Variants in ATP6V1D observed in about 807,000 individuals in gnomAD.
The protein encoded by ATP6V1D is ATPase H+ transporting V1 subunit D.
Under a neutral mutation model 39.4 loss-of-function variants are expected in ATP6V1D, and 20 were observed. The observed-to-expected ratio is 0.51, with a 90% CI of 0.36 to 0.74. ATP6V1D has a LOEUF of 0.74. Ranked by LOEUF, ATP6V1D falls within the 30% of genes least tolerant of loss-of-function variation. The pLI, the probability that ATP6V1D is intolerant of heterozygous loss-of-function variation, is 0.00. For synonymous variants in ATP6V1D, 100 were observed against 100.5 expected (o/e 0.99, Z 0.03); for missense variants, 228 against 291.6 (o/e 0.78, Z 1.59).
chr14:67,338,901 T>C, intron 8 of ATP6V1D, 139 bp from the exon 9 acceptor site: 1 of 660,226 alleles, frequency 1.5e-6, no homozygotes, highest in East Asian at 3.1e-5. Context: ...TCATTTTCAG[T>C]AATTTATTTA....
chr14:67,349,346 A>G (rs918369179), intron 3 of ATP6V1D, among the ~76,000 whole-genome samples: 9 of 152,254 alleles, frequency 5.9e-5, no homozygotes, highest in Non-Finnish European at 4.4e-5. Flanking sequence ...GAATGATTTT[A>G]AAGTTCGTGG....
chr14:67,339,935 A>G (rs1595632516), intron 8 of ATP6V1D: 2 of 152,386 alleles, frequency 1.3e-5, no homozygotes, highest in African/African-American at 4.9e-5. Flanking sequence ...CACCATCTCT[A>G]CTAAAAGTAC....
At chr14:67,341,251 A>G (rs1441528507) in intron 7 of ATP6V1D, among the ~76,000 whole-genome samples, 3 of 141,190 alleles carry the variant, frequency 2.1e-5, no homozygotes, top group Admixed American at 7.0e-5. Flanking sequence ...CCGGCCGCCC[A>G]TCGTCTGAGA....
At chr14:67,353,659 T>A (rs1460404012) in intron 1 of ATP6V1D, 1 of 152,168 alleles carries the variant, frequency 6.6e-6, no homozygotes, top group Non-Finnish European at 1.5e-5. Flanking sequence ...AGCTATATTT[T>A]TTTGTATTTT....
intron 1 of ATP6V1D, among the ~76,000 whole-genome samples, chr14:67,359,105 CA>C (rs2085708028): frequency 6.6e-6 from 1 of 152,184 alleles, no homozygotes; most frequent in Admixed American, 6.5e-5. Context: ...CCTCTCACAG[CA>C]GGTGACATTT....
intron 6 of ATP6V1D, among the ~76,000 whole-genome samples, chr14:67,344,482 A>G (rs1043628861): frequency 2.6e-5 from 4 of 152,244 alleles, no homozygotes; most frequent in South Asian, 2.1e-4. Context: ...CTAGATATAT[A>G]CTAACTGGCC....
chr14:67,341,737 T>C (rs1454408521), intron 7 of ATP6V1D, among the ~76,000 whole-genome samples: 1 of 152,202 alleles, frequency 6.6e-6, no homozygotes, highest in Admixed American at 6.5e-5. Flanking sequence ...TTTTGTGGAA[T>C]AGAAAAGGGG....
chr14:67,358,222 C>T (rs2085699494), intron 1 of ATP6V1D, among the ~76,000 whole-genome samples: 1 of 152,148 alleles, frequency 6.6e-6, no homozygotes, highest in African/African-American at 2.4e-5. Flanking sequence ...AGGAGTTCTG[C>T]AGTTGTCACT....
intron 4 of ATP6V1D, among the ~76,000 whole-genome samples, chr14:67,348,282 C>G (rs1375435239): frequency 6.6e-6 from 1 of 151,940 alleles, no homozygotes; most frequent in Non-Finnish European, 1.5e-5. Context: ...CCATATTAGG[C>G]TGGTCTCGAA....
chr14:67,342,084 G>C (rs2085588613), intron 7 of ATP6V1D, among the ~76,000 whole-genome samples: 2 of 151,800 alleles, frequency 1.3e-5, no homozygotes, highest in South Asian at 2.1e-4. Context: ...GAAAACCAGA[G>C]ACCTTTGTTC....
intron 2 of ATP6V1D, among the ~76,000 whole-genome samples, chr14:67,352,136 T>A (rs868210891): frequency 1.3e-4 from 20 of 151,296 alleles, no homozygotes; most frequent in African/African-American, 4.6e-4. Flanking sequence ...AATAAAAAAA[T>A]AAAAATAAAA....
At chr14:67,345,943 A>G (rs932826347) in intron 5 of ATP6V1D, 72 bp from the exon 6 acceptor site, 26 of 877,580 alleles carry the variant, frequency 3.0e-5, no homozygotes, top group Non-Finnish European at 4.4e-5. Context: ...CCAAAAGGAG[A>G]TAATTCAGAA....
At chr14:67,347,766 C>G (rs1265597819) in intron 4 of ATP6V1D, among the ~76,000 whole-genome samples, 3 of 152,162 alleles carry the variant, frequency 2.0e-5, no homozygotes, top group African/African-American at 7.2e-5. Flanking sequence ...TCCCAAAGTG[C>G]TGGGATTACA....
chr14:67,350,304 G>GAA (rs11413065), intron 3 of ATP6V1D, among the ~76,000 whole-genome samples: 1 of 147,410 alleles, frequency 6.8e-6, no homozygotes, highest in Admixed American at 6.8e-5. Flanking sequence ...AGCATTAGGA[G>GAA]AAAAAAAAAA....
At chr14:67,356,392 G>A (rs1474971029) in intron 1 of ATP6V1D, among the ~76,000 whole-genome samples, 1 of 150,628 alleles carries the variant, frequency 6.6e-6, no homozygotes, top group East Asian at 1.9e-4. Context: ...CTGCACTCCA[G>A]CCTGGGCAAC....
At chr14:67,346,432 C>A (rs1192660397) in intron 5 of ATP6V1D, among the ~76,000 whole-genome samples, 1 of 152,210 alleles carries the variant, frequency 6.6e-6, no homozygotes, top group Non-Finnish European at 1.5e-5. Context: ...CCACCTCGGC[C>A]TCCCGAGTAG....
chr14:67,344,999 T>C (rs2085610527), intron 6 of ATP6V1D, among the ~76,000 whole-genome samples: 1 of 152,092 alleles, frequency 6.6e-6, no homozygotes, highest in Admixed American at 6.6e-5. Flanking sequence ...CCCAGCACTT[T>C]GGAAGGATGA....
chr14:67,347,277 CTA>C (rs1002117122), intron 5 of ATP6V1D, 130 bp downstream of exon 5: 2 of 717,688 alleles, frequency 2.8e-6, no homozygotes, highest in Non-Finnish European at 2.3e-6. Flanking sequence ...ATTGTCCTGA[CTA>C]TATCAAATAA....
chr14:67,359,444 T>C (rs1314750530), intron 1 of ATP6V1D, among the ~76,000 whole-genome samples: 1 of 152,162 alleles, frequency 6.6e-6, no homozygotes, highest in Non-Finnish European at 1.5e-5. Context: ...CGCCTTTTCC[T>C]ACCGGCTGGG....
Sources: gnomAD v4.1 joint callset for allele counts (sites outside exome capture counted in the v4.1 genomes callset) on GRCh38, gnomAD v4.1.1 for gene constraint, MANE v1.5 for transcripts, NCBI Gene and HGNC (gene_info 2026-07-23, HGNC 2026-07-21) for gene names.